Variants in DACH1 observed in about 807,000 individuals in gnomAD.
DACH1 encodes the protein dachshund family transcription factor 1, also known as dachshund homolog 1.
A neutral mutation model predicts 54.2 loss-of-function variants in DACH1; 12 were observed. The observed-to-expected ratio is 0.22, with a 90% CI of 0.14 to 0.36. The LOEUF (loss-of-function observed/expected upper bound fraction) is 0.36. Ranked by LOEUF, DACH1 falls within the 10% of genes least tolerant of loss-of-function variation. DACH1 has a pLI of 1.00. For missense variants in DACH1, 805 were observed against 929.8 expected (o/e 0.87, Z 1.75); for synonymous variants, 386 against 366.2 (o/e 1.05, Z -0.62).
intron 10 of DACH1, among the ~76,000 whole-genome samples, chr13:71,461,538 G>GTATTT (rs1876076060): frequency 6.6e-6 from 1 of 151,960 alleles, no homozygotes; most frequent in Admixed American, 6.6e-5. Flanking sequence ...ATATGTATTT[G>GTATTT]GAGTTCCTTT....
At chr13:71,611,564 C>T (rs147034885) in intron 3 of DACH1, among the ~76,000 whole-genome samples, 1 of 152,164 alleles carries the variant, frequency 6.6e-6, no homozygotes, top group Non-Finnish European at 1.5e-5. Flanking sequence ...TTTCCTCATG[C>T]ACAGCTGTGT....
intron 6 of DACH1, among the ~76,000 whole-genome samples, chr13:71,545,751 T>C (rs1230088915): frequency 1.3e-5 from 2 of 152,090 alleles, no homozygotes; most frequent in African/African-American, 4.8e-5. Flanking sequence ...AAGACAAATG[T>C]AATCACAAGT....
At chr13:71,712,698 A>G (rs1594126370) in intron 1 of DACH1, among the ~76,000 whole-genome samples, 1 of 152,132 alleles carries the variant, frequency 6.6e-6, no homozygotes, top group Non-Finnish European at 1.5e-5. Context: ...TTTTTTAATG[A>G]AAATGTTGCT....
At chr13:71,542,222 C>A (rs1883179025) in intron 6 of DACH1, among the ~76,000 whole-genome samples, 1 of 151,868 alleles carries the variant, frequency 6.6e-6, no homozygotes. Flanking sequence ...TGCACTCCAG[C>A]CTGGGAAACG....
At chr13:71,477,080 TTATATATA>T (rs1555285118) in intron 8 of DACH1, among the ~76,000 whole-genome samples, 25 of 46,260 alleles carry the variant, frequency 5.4e-4, no homozygotes, top group African/African-American at 1.7e-3. Context: ...GTTTTTATTA[TTATATATA>T]TATATATATA....
chr13:71,489,021 G>A lies in DACH1; in HGVS notation c.1698C>T (p.Ile566=), dbSNP rs375317673. ...CCTGTATGTTAGTCAGAAGAGTCTC[G>A]ATGGAAGACAGTCCATCAGGAAACA... is the stretch of plus-strand genomic sequence containing the variant. ...PFLFPDGLSS[I]ETLLTNIQGL... The change falls in exon 7 of 11, where the codon ATC becomes ATT. Residue 566 remains isoleucine, a synonymous_variant. Coordinates refer to ENST00000613252, the MANE Select transcript of DACH1 (RefSeq NM_080759.6). 5 of 1,613,596 alleles carry A rather than the reference G, an allele frequency of 3.1e-6. No individual in the cohort carries two copies. The highest frequency in any genetic ancestry group is 4.2e-6 in the Non-Finnish European group (5 of 1,179,730).
intron 1 of DACH1, among the ~76,000 whole-genome samples, chr13:71,718,076 AG>A (rs1331785109): frequency 6.6e-6 from 1 of 152,082 alleles, no homozygotes; most frequent in Non-Finnish European, 1.5e-5. Flanking sequence ...GAACAACCAC[AG>A]GGTTGAAGGA....
chr13:71,519,505 T>A (rs1288045449), intron 6 of DACH1, among the ~76,000 whole-genome samples: 1 of 151,594 alleles, frequency 6.6e-6, no homozygotes, highest in Non-Finnish European at 1.5e-5. Flanking sequence ...TTTCCAAAAT[T>A]ATTCCCATTT....
chr13:71,584,699 T>C (rs1020136801), intron 3 of DACH1, among the ~76,000 whole-genome samples: 1 of 152,124 alleles, frequency 6.6e-6, no homozygotes, highest in African/African-American at 2.4e-5. Flanking sequence ...CATTTAATTA[T>C]GTGCATTTAT....
chr13:71,731,241 G>T (rs1350429295), intron 1 of DACH1, among the ~76,000 whole-genome samples: 2 of 150,362 alleles, frequency 1.3e-5, no homozygotes, highest in African/African-American at 4.9e-5. Flanking sequence ...AATGCAAGGT[G>T]ATTTTAAGCA....
intron 1 of DACH1, among the ~76,000 whole-genome samples, chr13:71,722,782 C>T (rs1202118802): frequency 6.6e-6 from 1 of 152,076 alleles, no homozygotes; most frequent in African/African-American, 2.4e-5. Flanking sequence ...TGAACTTCAA[C>T]TTTCTGGGTT....
intron 7 of DACH1, among the ~76,000 whole-genome samples, chr13:71,482,536 G>A (rs534760437): frequency 1.3e-5 from 2 of 152,188 alleles, no homozygotes; most frequent in African/African-American, 2.4e-5. Context: ...GAGGATTTTA[G>A]CAATCACCAT....
chr13:71,524,928 C>T (rs566334248), intron 6 of DACH1, among the ~76,000 whole-genome samples: 50 of 152,142 alleles, frequency 3.3e-4, no homozygotes, highest in African/African-American at 1.2e-3. Context: ...CATTACTGTG[C>T]GCAGGCATAA....
At chr13:71,825,826 A>G (rs923994466) in intron 1 of DACH1, among the ~76,000 whole-genome samples, 1 of 152,154 alleles carries the variant, frequency 6.6e-6, no homozygotes, top group African/African-American at 2.4e-5. Context: ...ACACCTAAAA[A>G]AGTCTAAAAA....
In DACH1 at chr13:71,692,506, C is replaced by CTT. The variant is rs398023338; in HGVS notation, c.849-10598_849-10597dup. 2.5e-3 allele frequency among the ~76,000 whole-genome samples: 109 copies of CTT among 44,440 alleles called. 13 individuals are homozygous for CTT. The highest frequency in any genetic ancestry group is 0.021 in the East Asian group (17 of 828). The allele number at this position is 44,440 out of a possible 152,430, so 29.2% of individuals were successfully genotyped here. On this transcript the variant is annotated intron_variant, in intron 1 of 10. Coordinates refer to ENST00000613252, the MANE Select transcript of DACH1 (RefSeq NM_080759.6). ...CCTTTCTTTTTCTTTCTTTTCTTTC[C>CTT]TTTTTTTTTTTTTTTTTTTTTTTTT...
At chr13:71,629,568 A>C (rs550754591) in intron 3 of DACH1, among the ~76,000 whole-genome samples, 1 of 152,186 alleles carries the variant, frequency 6.6e-6, no homozygotes, top group Non-Finnish European at 1.5e-5. Flanking sequence ...TAAAATCCAC[A>C]GTATTCCTTT....
chr13:71,520,766 C>T (rs528248058), intron 6 of DACH1, among the ~76,000 whole-genome samples: 1 of 151,378 alleles, frequency 6.6e-6, no homozygotes, highest in East Asian at 2.0e-4. Context: ...TATGAAAGTA[C>T]AAAGATCCTT....
intron 3 of DACH1, among the ~76,000 whole-genome samples, chr13:71,573,974 C>T (rs558573489): frequency 2.0e-5 from 3 of 152,298 alleles, no homozygotes; most frequent in African/African-American, 7.2e-5. Context: ...AAGTGCCTAA[C>T]TTCATTACAC....
At position 71,460,739 on chromosome 13, in the gene DACH1, A is replaced by G. The variant is rs564427077; in HGVS notation, c.2083+14402T>C. Among the ~76,000 whole-genome samples, 9 of 152,228 alleles carry G rather than the reference A, an allele frequency of 5.9e-5. No individual in the cohort carries two copies. In the South Asian group the frequency reaches 1.9e-3, roughly 32 times the overall value. On this transcript the variant is annotated intron_variant, in intron 10 of 10. Coordinates refer to ENST00000613252, the MANE Select transcript of DACH1 (RefSeq NM_080759.6). ...TATTTTAAAATCTCATTACAAGACT[A>G]CAATAAAATATCTATGAATAATGAA...
Sources: gnomAD v4.1 joint callset for allele counts (sites outside exome capture counted in the v4.1 genomes callset) on GRCh38, gnomAD v4.1.1 for gene constraint, MANE v1.5 for transcripts, NCBI Gene and HGNC (gene_info 2026-07-23, HGNC 2026-07-21) for gene names.